Variants in CHRNA7 observed in about 807,000 individuals in gnomAD.
CHRNA7 encodes the protein cholinergic receptor nicotinic alpha 7 subunit, also known as neuronal acetylcholine receptor subunit alpha-7.
In CHRNA7, 17 loss-of-function variants were observed where a neutral mutation model predicts 48.0. The ratio of observed to expected loss-of-function variants is 0.35; its 90% CI spans 0.24 to 0.53. The LOEUF (loss-of-function observed/expected upper bound fraction) is 0.53. Ranked by LOEUF, CHRNA7 falls within the 20% of genes least tolerant of loss-of-function variation. The pLI is 0.92. For synonymous variants in CHRNA7, 75 were observed against 242.3 expected (o/e 0.31, Z 6.41); for missense variants, 155 against 577.7 (o/e 0.27, Z 7.50).
rs1249315537 is a variant in CHRNA7, at chr15:32,149,440, T to C, written c.351-4467T>C. Among the ~76,000 whole-genome samples, 1 of 151,966 alleles carries C rather than the reference T, an allele frequency of 6.6e-6. No individual in the cohort carries two copies. Among genetic ancestry groups the C allele is most frequent in the Non-Finnish European group, 1.5e-5 (1 of 68,036 alleles). On this transcript the variant is annotated intron_variant, in intron 4 of 9. Transcript: ENST00000306901. This position sits in a 1 kb window ranked among gnomAD's most constrained non-coding sequence, Gnocchi z 4.6. Reference sequence around the variant, plus strand: ...CTGGCCACTCACATTTCCGAGGTTCTTCATTTCCCACCTCAGATCACTGTT... The same window carrying C: ...CTGGCCACTCACATTTCCGAGGTTCCTCATTTCCCACCTCAGATCACTGTT...
chr15:32,068,159 AAAATT>A (rs1220268984), intron 2 of CHRNA7, among the ~76,000 whole-genome samples: 1 of 152,064 alleles, frequency 6.6e-6, no homozygotes, highest in Non-Finnish European at 1.5e-5. Context: ...AAAAAAAAGA[AAAATT>A]AGGTAGGCAT....
chr15:32,066,423 A>G (rs2049967975), intron 2 of CHRNA7, among the ~76,000 whole-genome samples: 1 of 152,108 alleles, frequency 6.6e-6, no homozygotes, highest in Non-Finnish European at 1.5e-5. Context: ...CTGGGATTAC[A>G]GGCATGTGCC....
At chr15:32,148,630 C>T (rs985344392) in intron 4 of CHRNA7, among the ~76,000 whole-genome samples, 2 of 152,230 alleles carry the variant, frequency 1.3e-5, no homozygotes, top group African/African-American at 2.4e-5. Context: ...TGGGCTCCCC[C>T]TGCCTATACT....
intron 2 of CHRNA7, among the ~76,000 whole-genome samples, chr15:32,044,949 A>T (rs999416184): frequency 2.6e-5 from 4 of 152,192 alleles, no homozygotes; most frequent in Admixed American, 2.0e-4. Flanking sequence ...TCCATGCTTC[A>T]TCCGGTCCGT....
chr15:32,156,089 T>C (rs2051733424), intron 5 of CHRNA7: 1 of 107,574 alleles, frequency 9.3e-6, no homozygotes, highest in Non-Finnish European at 2.0e-5. Flanking sequence ...TTTAGAACAT[T>C]CCCATCACCC....
chr15:32,119,896 C>T (rs1050746643), intron 4 of CHRNA7, among the ~76,000 whole-genome samples: 1 of 152,172 alleles, frequency 6.6e-6, no homozygotes, highest in African/African-American at 2.4e-5. Context: ...CCTGTCTGCA[C>T]CAGAGTGAGT....
At chr15:32,040,449 A>T (rs1234785474) in intron 2 of CHRNA7, among the ~76,000 whole-genome samples, 1 of 151,902 alleles carries the variant, frequency 6.6e-6, no homozygotes, top group African/African-American at 2.4e-5. Context: ...TTTGCAATAT[A>T]CATTTACAAC....
intron 4 of CHRNA7, among the ~76,000 whole-genome samples, chr15:32,129,433 A>T (rs1421407339): frequency 6.6e-6 from 1 of 151,930 alleles, no homozygotes; most frequent in African/African-American, 2.4e-5. Context: ...CAATGTGTTT[A>T]ATTGTTTTAG....
intron 2 of CHRNA7, among the ~76,000 whole-genome samples, chr15:32,077,296 C>T (rs1391095007): frequency 7.9e-5 from 12 of 152,058 alleles, no homozygotes; most frequent in Admixed American, 7.9e-4. Context: ...GTTTTCAAAT[C>T]CTTTGGGTAA....
At chr15:32,073,621 G>A (rs1359167364) in intron 2 of CHRNA7, among the ~76,000 whole-genome samples, 2 of 152,124 alleles carry the variant, frequency 1.3e-5, no homozygotes, top group Non-Finnish European at 2.9e-5. Context: ...AATATTGGAG[G>A]CAGGGGCTGG....
intron 3 of CHRNA7, chr15:32,102,583 C>T (rs2050592419): frequency 6.6e-6 from 1 of 152,124 alleles, no homozygotes; most frequent in Non-Finnish European, 1.5e-5. Flanking sequence ...TATTATAATT[C>T]ATCAAGGTGA....
intron 4 of CHRNA7, among the ~76,000 whole-genome samples, chr15:32,114,787 A>G (rs2141286521): frequency 6.6e-6 from 1 of 152,346 alleles, no homozygotes; most frequent in Admixed American, 6.5e-5. Context: ...ATTCCTCATG[A>G]TGCCGTGGGC....
chr15:32,120,924 G>A (rs2141297395), intron 4 of CHRNA7, among the ~76,000 whole-genome samples: 1 of 152,276 alleles, frequency 6.6e-6, no homozygotes, highest in South Asian at 2.1e-4. Flanking sequence ...CTGCCTGAGG[G>A]AGCAGTGCGG....
At chr15:32,064,754 A>G (rs2049938054) in intron 2 of CHRNA7, among the ~76,000 whole-genome samples, 2 of 152,248 alleles carry the variant, frequency 1.3e-5, no homozygotes, top group Middle Eastern at 3.4e-3. Context: ...GCTGGGGGTC[A>G]TGCATTCTTA....
At chr15:32,158,300 T>TTTA in intron 6 of CHRNA7, 112 bp from the exon 7 acceptor site, 1 of 828,436 alleles carries the variant, frequency 1.2e-6, no homozygotes, top group Non-Finnish European at 1.6e-6. Context: ...TTTTTTTTTT[T>TTTA]TAGCACTTTG....
chr15:32,138,010 G>GAT (rs2141331623), intron 4 of CHRNA7, among the ~76,000 whole-genome samples: 1 of 152,092 alleles, frequency 6.6e-6, no homozygotes, highest in African/African-American at 2.4e-5. Context: ...AAATGTGTGA[G>GAT]ATAATTACCA....
At chr15:32,080,285 C>A (rs1421731657) in intron 2 of CHRNA7, among the ~76,000 whole-genome samples, 1 of 152,178 alleles carries the variant, frequency 6.6e-6, no homozygotes, top group East Asian at 1.9e-4. Context: ...GCAACAAAAA[C>A]AAAAATTAAC....
chr15:32,106,955 C>T (rs879525526), intron 3 of CHRNA7, among the ~76,000 whole-genome samples: 9 of 152,174 alleles, frequency 5.9e-5, no homozygotes, highest in Admixed American at 2.6e-4. Flanking sequence ...TACAGACAAG[C>T]CGGCTAGTGG....
intron 2 of CHRNA7, among the ~76,000 whole-genome samples, chr15:32,045,929 T>C (rs1203051252): frequency 6.6e-6 from 1 of 151,108 alleles, no homozygotes; most frequent in Non-Finnish European, 1.5e-5. Flanking sequence ...TTTGGTTTTT[T>C]GTCCTTGGGA....
Sources: allele counts gnomAD v4.1 joint callset (sites outside exome capture counted in the v4.1 genomes callset), GRCh38; gene constraint gnomAD v4.1.1; non-coding constraint Gnocchi (gnomAD v3.1); transcripts MANE v1.5; gene names NCBI Gene and HGNC (gene_info 2026-07-23, HGNC 2026-07-21).